GPBP1: variants seen among roughly 807,000 people sequenced by gnomAD.
GPBP1 encodes the protein GC-rich promoter binding protein 1, also known as vasculin.
GPBP1 carries 13 observed loss-of-function variants against 56.5 expected under a neutral mutation model. The observed-to-expected ratio is 0.23, with a 90% CI of 0.15 to 0.37. The LOEUF (loss-of-function observed/expected upper bound fraction) is 0.37, where lower values mean the gene tolerates loss of function less well. GPBP1 is among the 10% of genes least tolerant of loss of function. The pLI is 1.00. For synonymous variants in GPBP1, 204 were observed against 188.9 expected (o/e 1.08, Z -0.66); for missense variants, 477 against 572.3 (o/e 0.83, Z 1.70).
At chr5:57,208,276 C>T (rs1323192946) in intron 2 of GPBP1, among the ~76,000 whole-genome samples, 1 of 152,160 alleles carries the variant, frequency 6.6e-6, no homozygotes, top group Admixed American at 6.5e-5. Flanking sequence ...TTTTGTTGCT[C>T]AGGCTGGAGT....
At chr5:57,253,855 C>G (rs887946047) in intron 10 of GPBP1, among the ~76,000 whole-genome samples, 1 of 152,226 alleles carries the variant, frequency 6.6e-6, no homozygotes, top group South Asian at 2.1e-4. Context: ...AACTCCTGGA[C>G]TCAAGTGATA....
rs1341115197 is a variant in GPBP1, at chr5:57,249,546, T to A, written c.942T>A (p.His314Gln). The A allele has an allele frequency of 6.2e-7, 1 of 1,610,028 alleles. No homozygotes were observed. The highest frequency in any genetic ancestry group is 2.2e-5 in the East Asian group (1 of 44,818). ...ALKRDRVEEE[H>Q]EDESRAGSEK... Reference sequence around the variant, plus strand: ...AAAGAGACAGAGTAGAAGAGGAACATGAAGATGAAAGCCGTGCTGGCTCAG... The same window carrying A: ...AAAGAGACAGAGTAGAAGAGGAACAAGAAGATGAAAGCCGTGCTGGCTCAG... The change falls in exon 9 of 12, where the codon CAT (histidine) becomes CAA (glutamine). Residue 314 changes from histidine (H) to glutamine (Q), a missense_variant. By Grantham distance (24) the His-to-Gln change is conservative. Coordinates refer to ENST00000506184, the MANE Select transcript of GPBP1 (RefSeq NM_022913.4).
chr5:57,249,032 T>TA (rs1189348397), intron 8 of GPBP1: 1 of 156,476 alleles, frequency 6.4e-6, no homozygotes, highest in Non-Finnish European at 1.4e-5. Context: ...TGTGTATAAA[T>TA]AATTATAAAA....
At chr5:57,245,073 G>A (rs1209500442) in intron 6 of GPBP1, among the ~76,000 whole-genome samples, 2 of 152,084 alleles carry the variant, frequency 1.3e-5, no homozygotes. Flanking sequence ...TGTTAACTTT[G>A]TTGTGTAATA....
At chr5:57,255,149 G>C (rs756596881) in intron 10 of GPBP1, among the ~76,000 whole-genome samples, 1 of 152,020 alleles carries the variant, frequency 6.6e-6, no homozygotes, top group Non-Finnish European at 1.5e-5. Flanking sequence ...TTGTGAAACT[G>C]TTTTCCTGTG....
chr5:57,175,497 AG>A lies in GPBP1; in HGVS notation c.-959del. 1 of 398,562 alleles carries A rather than the reference AG, an allele frequency of 2.5e-6. No individual in the cohort carries two copies. The highest frequency in any genetic ancestry group is 4.4e-6 in the Non-Finnish European group (1 of 226,042). 24.7% of individuals were successfully genotyped at this position (398,562 alleles called of 1,614,324 possible). A position where few individuals can be genotyped will look rare whatever the true frequency, so the allele number is the denominator to read the frequency against. The stretch of plus-strand genomic sequence containing the variant: ...GATCATCATCTAGGTTTTGTGTAAA[AG>A]GCCCTGGATATTTTAAGTGGCCATT... On this transcript the variant is annotated 5_prime_UTR_variant, in exon 2 of 12. Coordinates refer to ENST00000506184, the MANE Select transcript of GPBP1 (RefSeq NM_022913.4).
chr5:57,214,043 A>G (rs1243366467), intron 2 of GPBP1, 31 bp from the exon 3 acceptor site: 3 of 1,020,956 alleles, frequency 2.9e-6, no homozygotes, highest in South Asian at 1.3e-5. Context: ...CAGGAGCTGC[A>G]GGTCTAATTC....
chr5:57,213,060 T>A (rs186320393), intron 2 of GPBP1, among the ~76,000 whole-genome samples: 9 of 152,018 alleles, frequency 5.9e-5, no homozygotes, highest in East Asian at 1.9e-4. Flanking sequence ...TCTTTTTTTT[T>A]ATTATTTTTT....
intron 2 of GPBP1, among the ~76,000 whole-genome samples, chr5:57,185,219 T>C (rs1028931035): frequency 1.3e-5 from 2 of 151,626 alleles, no homozygotes; most frequent in African/African-American, 4.8e-5. Context: ...TCACCAGCCC[T>C]CTTTAAAATT....
rs556372144 is a variant in GPBP1 at position 57,197,058 on chromosome 5, G to T, written c.-57-17016G>T. 4.0e-5 allele frequency among the ~76,000 whole-genome samples: 6 copies of T among 151,782 alleles called. No homozygotes were observed. The East Asian group carries it at 1.2e-3, about 30-fold the overall frequency. On this transcript the variant is annotated intron_variant, in intron 2 of 11. Coordinates refer to ENST00000506184, the MANE Select transcript of GPBP1 (RefSeq NM_022913.4). ...CAGCCTCCCACAGTGCTGGGATATA[G>T]GCGTGAGCCACCACGCCCGACCTGT...
chr5:57,246,422 A>G lies in GPBP1; in HGVS notation c.601A>G (p.Asn201Asp). ...AAATCTTCCGTCACAGCCAGTTAAG[A>G]ATGGAACTGGTCCAAGTGTTTATAA... Reference protein sequence around the residue: ...VGNLPSQPVKNGTGPSVYKGL... With the variant: ...VGNLPSQPVKDGTGPSVYKGL... Residue 201 changes from asparagine to aspartate, a missense_variant, in exon 7 of 12, where the codon AAT (asparagine) becomes GAT (aspartate). By Grantham distance (23) the Asn-to-Asp change is conservative. Around this residue, in one of 2 missense-constraint regions of GPBP1, gnomAD observed 414 missense variants for 458.2 expected, o/e 0.90. Coordinates refer to ENST00000506184, the MANE Select transcript of GPBP1 (RefSeq NM_022913.4). 6.2e-7 allele frequency: 1 copy of G among 1,613,942 alleles called. No individual in the cohort carries two copies. Among genetic ancestry groups the G allele is most frequent in the Non-Finnish European group, 8.5e-7 (1 of 1,179,836 alleles).
chr5:57,259,509 A>C (rs770439469), intron 10 of GPBP1, among the ~76,000 whole-genome samples: 3 of 152,228 alleles, frequency 2.0e-5, no homozygotes, highest in Non-Finnish European at 4.4e-5. Context: ...CCCTTTTGTA[A>C]GCAATGATAG....
At chr5:57,248,419 ATTTTTTTTTTTTT>A (rs70999069) in intron 8 of GPBP1, among the ~76,000 whole-genome samples, 20 of 99,330 alleles carry the variant, frequency 2.0e-4, no homozygotes, top group Non-Finnish European at 2.6e-4. Context: ...CTCATATACT[ATTTTTTTTTTTTT>A]TTTTTTTTTT....
At chr5:57,181,605 G>A (rs78058786) in intron 2 of GPBP1, among the ~76,000 whole-genome samples, 4,530 of 150,550 alleles carry the variant, frequency 0.03, 158 homozygotes, top group East Asian at 0.13. Context: ...AAAAAAAGGT[G>A]GGGGGGCGGT....
chr5:57,198,866 C>T (rs1159909023), intron 2 of GPBP1, among the ~76,000 whole-genome samples: 4 of 152,082 alleles, frequency 2.6e-5, no homozygotes, highest in African/African-American at 9.7e-5. Context: ...GTGTCATTTG[C>T]TTCACATTTT....
intron 2 of GPBP1, among the ~76,000 whole-genome samples, chr5:57,209,311 G>A (rs1202761020): frequency 6.6e-6 from 1 of 151,894 alleles, no homozygotes; most frequent in South Asian, 2.1e-4. Context: ...AAAAAAATAC[G>A]ACACTGTCTC....
intron 3 of GPBP1, among the ~76,000 whole-genome samples, chr5:57,222,882 T>G (rs1756013496): frequency 6.6e-6 from 1 of 152,170 alleles, no homozygotes; most frequent in South Asian, 2.1e-4. Flanking sequence ...TTTGTGAAAT[T>G]AGATGAAAAG....
chr5:57,217,961 T>A (rs1302973201), intron 3 of GPBP1, among the ~76,000 whole-genome samples: 2 of 152,248 alleles, frequency 1.3e-5, no homozygotes, highest in Non-Finnish European at 2.9e-5. Context: ...TGAAATTTTT[T>A]ATAGTAATTT....
chr5:57,174,787 G>A (rs1753724102), intron 1 of GPBP1, among the ~76,000 whole-genome samples: 1 of 152,196 alleles, frequency 6.6e-6, no homozygotes, highest in Non-Finnish European at 1.5e-5. Flanking sequence ...AAAGGGCCCT[G>A]TACCTTCCAC....
Sources: gnomAD v4.1 joint callset for allele counts (sites outside exome capture counted in the v4.1 genomes callset) on GRCh38, gnomAD v4.1.1 for gene constraint, gnomAD v4.1.1 regional missense constraint, MANE v1.5 for transcripts, NCBI Gene and HGNC (gene_info 2026-07-23, HGNC 2026-07-21) for gene names.